The following IFT122 variants were observed in gnomAD, a reference collection of about 807,000 sequenced individuals.
The protein encoded by IFT122 is intraflagellar transport 122.
In IFT122, 118 loss-of-function variants were observed where a neutral mutation model predicts 161.6. The observed-to-expected ratio is 0.73, with a 90% confidence interval of 0.63 to 0.85. The LOEUF is 0.85. IFT122 is among the 40% of genes least tolerant of loss of function. The pLI, the probability that IFT122 is intolerant of heterozygous loss-of-function variation, is 0.00. For missense variants in IFT122, 1,381 were observed against 1,579.6 expected, an observed-to-expected ratio of 0.87 and a Z score of 2.13; for synonymous variants, 550 against 602.4, an observed-to-expected ratio of 0.91 and a Z score of 1.27.
At position 129,461,282 on chromosome 3, in the gene IFT122, A is replaced by G. The variant is rs778165345; in HGVS notation, c.327A>G (p.Ala109=). The G allele has an allele frequency of 1.9e-6, 3 of 1,613,208 alleles. No homozygotes were observed. Among genetic ancestry groups the G allele is most frequent in the South Asian group, 2.2e-5 (2 of 91,072 alleles). The change falls in exon 5 of 30, where the codon GCA becomes GCG. Residue 109 remains alanine, a synonymous_variant. Coordinates refer to ENST00000348417, the MANE Select transcript of IFT122 (RefSeq NM_052989.3). ...VSYNPITHQL[A]SCSSSDFGLW... ...ACAATCCTATTACTCATCAACTGGC[A>G]TCTTGTTCCTCCAGTGACTTTGGTA...
chr3:129,440,680 C>T (rs1164079779), intron 1 of IFT122, among the ~76,000 whole-genome samples: 2 of 152,232 alleles, frequency 1.3e-5, no homozygotes, highest in East Asian at 1.9e-4. Flanking sequence ...CGAAGCTGCT[C>T]AAGCTTCACA....
intron 12 of IFT122, among the ~76,000 whole-genome samples, chr3:129,478,662 G>A (rs1017500883): frequency 6.6e-6 from 1 of 152,102 alleles, no homozygotes; most frequent in African/African-American, 2.4e-5. Context: ...GGCTAAGGCG[G>A]GAGGAATGCT....
rs545881897 is a variant in IFT122 at position 129,482,308 on chromosome 3, G to A, written c.1653+614G>A. ...AGTGTGTCACCAGAGAAGACAGCCC[G>A]GCAGCTCTGTGCCCCGGGCCTGGTT... On this transcript the variant is annotated intron_variant, in intron 14 of 29. Transcript: ENST00000348417. 2.6e-5 allele frequency among the ~76,000 whole-genome samples: 4 copies of A among 152,314 alleles called. No homozygotes were observed. In the East Asian group the frequency reaches 5.8e-4, roughly 22 times the overall value.
intron 26 of IFT122, among the ~76,000 whole-genome samples, chr3:129,517,054 C>T (rs1222372892): frequency 7.0e-6 from 1 of 143,318 alleles, no homozygotes; most frequent in Non-Finnish European, 1.5e-5. Context: ...CACACACACA[C>T]ACACACAGAC....
intron 3 of IFT122, among the ~76,000 whole-genome samples, chr3:129,457,607 C>T (rs79256663): frequency 0.021 from 3,267 of 152,180 alleles, 121 homozygotes; most frequent in African/African-American, 0.075. Context: ...TAAATTAGGT[C>T]CCCCAGGAGA....
chr3:129,505,135 C>G (rs1371890665), intron 21 of IFT122, among the ~76,000 whole-genome samples: 1 of 152,198 alleles, frequency 6.6e-6, no homozygotes, highest in Non-Finnish European at 1.5e-5. Flanking sequence ...CCTATGTAAC[C>G]TTGAATCTTG....
intron 3 of IFT122, among the ~76,000 whole-genome samples, chr3:129,452,500 G>A (rs1338819008): frequency 6.6e-6 from 1 of 152,134 alleles, no homozygotes; most frequent in Non-Finnish European, 1.5e-5. Context: ...AAAAGACTTT[G>A]AAGTCAGGAG....
rs1240447161 is a variant in IFT122 at position 129,479,837 on chromosome 3, A to C, written c.1403A>C (p.Gln468Pro). 6 of 1,613,956 alleles carry C rather than the reference A, an allele frequency of 3.7e-6. No homozygotes were observed. The highest frequency in any genetic ancestry group is 5.1e-6 in the Non-Finnish European group (6 of 1,180,016). Reference protein sequence around the residue: ...SFSGVKEREWQMESLIRYIKV... With the variant: ...SFSGVKEREWPMESLIRYIKV... ...AGCGGAGTGAAGGAGCGGGAGTGGC[A>C]GATGGAGTCTCTCATTCGTTACATC... The change falls in exon 13 of 30, where the codon CAG becomes CCG. Residue 468 changes from glutamine (Q) to proline (P), a missense_variant. Gln to Pro is a moderately conservative substitution (Grantham distance 76, BLOSUM62 -1). This residue lies in a region of IFT122 where 544 missense variants were observed against 648.0 expected (regional missense o/e 0.84). Coordinates refer to ENST00000348417, the MANE Select transcript of IFT122 (RefSeq NM_052989.3).
rs780944047 is a variant in IFT122 at position 129,452,015 on chromosome 3, G to A, written c.193+17G>A. The A allele has an allele frequency of 1.3e-6, 2 of 1,578,098 alleles. No homozygotes were observed. The highest frequency in any genetic ancestry group is 1.7e-6 in the Non-Finnish European group (2 of 1,147,434). ...CGAAGGATGGTAAAAGGCTGCTCTG[G>A]GTTTCCATTCTCTATAATAGCCTCA... On this transcript the variant is annotated intron_variant, in intron 3 of 29. Coordinates refer to ENST00000348417, the MANE Select transcript of IFT122 (RefSeq NM_052989.3).
chr3:129,519,358 G>A (rs1439741448), intron 28 of IFT122, among the ~76,000 whole-genome samples, 172 bp downstream of exon 28: 1 of 152,216 alleles, frequency 6.6e-6, no homozygotes, highest in Non-Finnish European at 1.5e-5. Context: ...AGCCATGGCT[G>A]CCCCCGAGGG....
At chr3:129,479,017 A>C (rs1386896415) in intron 12 of IFT122, among the ~76,000 whole-genome samples, 1 of 152,198 alleles carries the variant, frequency 6.6e-6, no homozygotes, top group Non-Finnish European at 1.5e-5. Flanking sequence ...CTAGCCCAGC[A>C]TCTTGGAAGT....
At chr3:129,451,762 G>A (rs1218539066) in intron 2 of IFT122, 152 bp from the exon 3 acceptor site, 14 of 683,054 alleles carry the variant, frequency 2.0e-5, no homozygotes, top group Middle Eastern at 3.6e-4. Context: ...TTTAAGTCAC[G>A]TTGTTTTTGG....
chr3:129,450,412 G>A (rs1369677856), intron 2 of IFT122, among the ~76,000 whole-genome samples: 1 of 152,074 alleles, frequency 6.6e-6, no homozygotes, highest in Non-Finnish European at 1.5e-5. Context: ...AACCTATCCA[G>A]GTATATAAAA....
rs112285977 is a variant in IFT122 at position 129,497,132 on chromosome 3, A to G, written c.2208+1525A>G. On this transcript the variant is annotated intron_variant, in intron 18 of 29. Coordinates refer to ENST00000348417, the MANE Select transcript of IFT122 (RefSeq NM_052989.3). ...CCTCTCTCTACCAAAAATGCAAAAAATTAGCTGGTGCCTGTAGTCCCAGCT... is the reference window on the plus strand; with the variant it reads ...CCTCTCTCTACCAAAAATGCAAAAAGTTAGCTGGTGCCTGTAGTCCCAGCT... 8.8e-3 allele frequency among the ~76,000 whole-genome samples: 1,346 copies of G among 152,302 alleles called. 15 individuals are homozygous for G. Among genetic ancestry groups the G allele is most frequent in the African/African-American group, 0.031 (1,281 of 41,548 alleles).
rs371277209 is a variant in IFT122, at chr3:129,442,242, A to T, written c.41+1871A>T. Among the ~76,000 whole-genome samples the T allele has an allele frequency of 2.0e-5, 3 of 152,160 alleles. No individual in the cohort carries two copies. The East Asian group carries it at 5.8e-4, about 29-fold the overall frequency. On this transcript the variant is annotated intron_variant, in intron 1 of 29. Coordinates refer to ENST00000348417, the MANE Select transcript of IFT122 (RefSeq NM_052989.3). ...CAGAGTCTGTTGAGCATAAGAGTTA[A>T]TTTTTTAAATCTGTTTAATTCAGAA...
intron 1 of IFT122, among the ~76,000 whole-genome samples, chr3:129,442,380 TAA>T (rs1479023757): frequency 6.6e-6 from 1 of 152,076 alleles, no homozygotes; most frequent in African/African-American, 2.4e-5. Flanking sequence ...TAGATATATA[TAA>T]AACGAAATAC....
At chr3:129,478,558 G>A (rs1043972561) in intron 12 of IFT122, among the ~76,000 whole-genome samples, 5 of 152,108 alleles carry the variant, frequency 3.3e-5, no homozygotes, top group Non-Finnish European at 5.9e-5. Flanking sequence ...AAGCTCAAGC[G>A]GTCTTCCTCC....
Position 129,502,770 on chromosome 3 carries a change from C to T in IFT122, c.2435C>T (p.Ala812Val). ...KAEREPLLLC[A>V]TYLKKLDSPG... ...GAGCGCGAGCCCCTGCTGCTGTGCG[C>T]TACCTACCTCAAGAAGCTGGACAGC... Residue 812 changes from alanine to valine, a missense_variant, in exon 20 of 30, where the codon GCT becomes GTT. This residue lies in a region of IFT122 where 496 missense variants were observed against 502.5 expected (regional missense o/e 0.99). Transcript: ENST00000348417. The T allele has an allele frequency of 6.2e-7, 1 of 1,612,694 alleles. No individual in the cohort carries two copies. The highest frequency in any genetic ancestry group is 1.1e-5 in the South Asian group (1 of 91,088).
At chr3:129,519,869 C>A in intron 29 of IFT122, 137 bp downstream of exon 29, 1 of 1,038,570 alleles carries the variant, frequency 9.6e-7, no homozygotes, top group South Asian at 1.3e-5. Flanking sequence ...CTTGTCTGTC[C>A]TCTCCCCTGC....
Sources: gnomAD v4.1 joint callset for allele counts (sites outside exome capture counted in the v4.1 genomes callset) on GRCh38, gnomAD v4.1.1 for gene constraint, gnomAD v4.1.1 regional missense constraint, MANE v1.5 for transcripts, NCBI Gene and HGNC (gene_info 2026-07-23, HGNC 2026-07-21) for gene names.